The following TMEM217B variants were observed in gnomAD, a reference collection of about 807,000 sequenced individuals.
TMEM217B encodes the protein transmembrane protein 217B.
chr6:37,222,332 T>G, the TMEM217B span, among the ~76,000 whole-genome samples: 1 of 152,120 alleles, frequency 6.6e-6, no homozygotes, highest in African/African-American at 2.4e-5. Flanking sequence ...CCCCCAGGGC[T>G]CGACCCCAAC....
At chr6:37,217,637 A>G in the TMEM217B span, 10 of 985,234 alleles carry the variant, frequency 1.0e-5, no homozygotes, top group Non-Finnish European at 1.2e-5. Context: ...ACATAAATTG[A>G]AGGATGAATT....
the TMEM217B span, among the ~76,000 whole-genome samples, chr6:37,226,699 T>C: frequency 1.3e-5 from 2 of 152,058 alleles, no homozygotes; most frequent in East Asian, 3.9e-4. Flanking sequence ...GTAGCTGGGA[T>C]TACAGGCGCG....
chr6:37,233,147 TCCCAC>T, the TMEM217B span, among the ~76,000 whole-genome samples: 2 of 152,008 alleles, frequency 1.3e-5, no homozygotes, highest in Non-Finnish European at 2.9e-5. Context: ...TGTGCCAAAC[TCCCAC>T]CCCCACCTAC....
the TMEM217B span, among the ~76,000 whole-genome samples, chr6:37,244,408 G>A: frequency 6.6e-6 from 1 of 152,214 alleles, no homozygotes; most frequent in South Asian, 2.1e-4. Context: ...CTTCTATTGT[G>A]TCTAAAGCAC....
chr6:37,246,199 C>T, the TMEM217B span, among the ~76,000 whole-genome samples: 1 of 152,180 alleles, frequency 6.6e-6, no homozygotes. Flanking sequence ...CTGCAGTAAT[C>T]AGCTTTTGCC....
At chr6:37,254,025 C>A in the TMEM217B span, among the ~76,000 whole-genome samples, 1 of 152,142 alleles carries the variant, frequency 6.6e-6, no homozygotes, top group Non-Finnish European at 1.5e-5. Flanking sequence ...CTTGCAGAAG[C>A]CTCTACTTAC....
chr6:37,243,249 A>G, the TMEM217B span, among the ~76,000 whole-genome samples: 1 of 152,224 alleles, frequency 6.6e-6, no homozygotes, highest in Non-Finnish European at 1.5e-5. Context: ...CCACTCTGAA[A>G]CAGGGCGTTT....
At chr6:37,233,905 A>T in the TMEM217B span, among the ~76,000 whole-genome samples, 3 of 152,210 alleles carry the variant, frequency 2.0e-5, no homozygotes, top group Non-Finnish European at 4.4e-5. Context: ...GAGTACCCAT[A>T]CAGCCATTCT....
At chr6:37,255,097 G>A in the TMEM217B span, among the ~76,000 whole-genome samples, 1 of 152,170 alleles carries the variant, frequency 6.6e-6, no homozygotes, top group East Asian at 1.9e-4. Context: ...GTTCCTAACA[G>A]GCAACAGACA....
At chr6:37,230,162 T>C in the TMEM217B span, among the ~76,000 whole-genome samples, 1 of 152,226 alleles carries the variant, frequency 6.6e-6, no homozygotes, top group Non-Finnish European at 1.5e-5. Flanking sequence ...CGCTTGGAAT[T>C]TCTCTGACTT....
chr6:37,242,675 C>T, the TMEM217B span, among the ~76,000 whole-genome samples: 1 of 152,172 alleles, frequency 6.6e-6, no homozygotes, highest in African/African-American at 2.4e-5. Context: ...GCTAAGCATT[C>T]CTTCTCATGT....
At chr6:37,212,260 G>A in the TMEM217B span, 1,819 of 342,264 alleles carry the variant, frequency 5.3e-3, 22 homozygotes, top group African/African-American at 0.035. Context: ...TAATTGATCC[G>A]CACAACCTGC....
chr6:37,252,635 ATAT>A, the TMEM217B span, among the ~76,000 whole-genome samples: 1 of 60,384 alleles, frequency 1.7e-5, no homozygotes. Context: ...ATATATATAT[ATAT>A]TTTTTTTTTT....
the TMEM217B span, among the ~76,000 whole-genome samples, chr6:37,243,497 C>A: frequency 6.6e-6 from 1 of 152,190 alleles, no homozygotes; most frequent in Non-Finnish European, 1.5e-5. Context: ...CATGACACTG[C>A]AGTAAAGAAA....
chr6:37,213,778 G>C, the TMEM217B span, among the ~76,000 whole-genome samples: 37 of 152,312 alleles, frequency 2.4e-4, no homozygotes, highest in Middle Eastern at 3.4e-3. Flanking sequence ...GGCCTACAGC[G>C]CAAACGTTCC....
At chr6:37,251,203 A>G in the TMEM217B span, among the ~76,000 whole-genome samples, 1 of 152,296 alleles carries the variant, frequency 6.6e-6, no homozygotes, top group South Asian at 2.1e-4. Flanking sequence ...TTATTTTTTC[A>G]TGTCAGACAG....
the TMEM217B span, among the ~76,000 whole-genome samples, chr6:37,229,165 T>C: frequency 6.6e-6 from 1 of 151,972 alleles, no homozygotes; most frequent in African/African-American, 2.4e-5. Context: ...GGTGTATTTG[T>C]ATTATTTATG....
the TMEM217B span, among the ~76,000 whole-genome samples, chr6:37,222,712 C>T: frequency 2.0e-5 from 3 of 152,244 alleles, no homozygotes; most frequent in South Asian, 4.1e-4. Flanking sequence ...GCAGCCCGCC[C>T]AAGAGGGCGG....
the TMEM217B span, among the ~76,000 whole-genome samples, chr6:37,229,602 A>G: frequency 1.1e-4 from 16 of 152,038 alleles, no homozygotes; most frequent in African/African-American, 3.9e-4. Flanking sequence ...TCCGCCTCCC[A>G]AAGTGCTGGG....
Sources: allele counts gnomAD v4.1 joint callset (sites outside exome capture counted in the v4.1 genomes callset), GRCh38; gene constraint gnomAD v4.1.1; transcripts MANE v1.5; gene names NCBI Gene and HGNC (gene_info 2026-07-23, HGNC 2026-07-21).